Variants in INTS8 observed in about 807,000 individuals in gnomAD.
INTS8 encodes integrator complex subunit 8.
INTS8 carries 47 observed loss-of-function variants against 138.9 expected under a neutral mutation model. The observed-to-expected ratio is 0.34, with a 90% CI of 0.27 to 0.43. The LOEUF is 0.43. INTS8 is among the 20% of genes least tolerant of loss of function. INTS8 has a pLI of 1.00. For synonymous variants in INTS8, 392 were observed against 400.9 expected (o/e 0.98, Z 0.27); for missense variants, 996 against 1,173.0 (o/e 0.85, Z 2.20).
At chr8:94,846,572 C>A (rs1815341320) in intron 10 of INTS8, among the ~76,000 whole-genome samples, 2 of 152,158 alleles carry the variant, frequency 1.3e-5, no homozygotes, top group Non-Finnish European at 2.9e-5. Context: ...CCACACCCAG[C>A]CTCTTTTTAC....
intron 1 of INTS8, among the ~76,000 whole-genome samples, chr8:94,824,468 A>G (rs1004810034): frequency 6.6e-6 from 1 of 152,180 alleles, no homozygotes; most frequent in African/African-American, 2.4e-5. Context: ...TCTATTTTGC[A>G]TTGGAAGAAG....
At chr8:94,833,833 G>A (rs1387350637) in intron 6 of INTS8, among the ~76,000 whole-genome samples, 1 of 152,070 alleles carries the variant, frequency 6.6e-6, no homozygotes, top group South Asian at 2.1e-4. Flanking sequence ...GTGCAATGTC[G>A]TGATCTCAGC....
intron 15 of INTS8, among the ~76,000 whole-genome samples, chr8:94,858,856 T>G (rs1815849176): frequency 6.6e-6 from 1 of 152,194 alleles, no homozygotes; most frequent in Non-Finnish European, 1.5e-5. Context: ...TCACATCACT[T>G]TTTTGGGGAT....
chr8:94,834,968 T>G (rs7834966), intron 6 of INTS8, among the ~76,000 whole-genome samples: 28,412 of 152,128 alleles, frequency 0.19, 2,797 homozygotes, highest in Middle Eastern at 0.28. Flanking sequence ...ATATTTCTAG[T>G]ATCTCATGTG....
chr8:94,835,163 A>G (rs1156403661), intron 6 of INTS8, among the ~76,000 whole-genome samples: 1 of 152,202 alleles, frequency 6.6e-6, no homozygotes, highest in Non-Finnish European at 1.5e-5. Context: ...TCTGTCAGCC[A>G]TGTGTAGAAT....
At position 94,836,504 on chromosome 8, in the gene INTS8, G is replaced by A. The variant is rs1814931644; in HGVS notation, c.754-20G>A. 1.9e-6 allele frequency: 3 copies of A among 1,578,278 alleles called. No individual in the cohort carries two copies. Among genetic ancestry groups the A allele is most frequent in the Non-Finnish European group, 2.6e-6 (3 of 1,149,424 alleles). On this transcript the variant is annotated intron_variant, in intron 6 of 26. Coordinates refer to ENST00000523731, the MANE Select transcript of INTS8 (RefSeq NM_017864.4). ...TACCTGAGAAATTGTTAAGCAAATT[G>A]GTGTTCATTATTATTTCAGGTGTGC...
rs753023265 is a variant in INTS8, at chr8:94,841,471, A to G, written c.1018-20A>G. 8.5e-6 allele frequency: 11 copies of G among 1,292,706 alleles called. No homozygotes were observed. The highest frequency in any genetic ancestry group is 1.3e-5 in the South Asian group (1 of 75,710). The allele number at this position is 1,292,706 out of a possible 1,614,324, so 80.1% of individuals were successfully genotyped here. ...TACCATGATTTTTGAAATGGGTGCA[A>G]CTTTATGTGTGTGTTCTAGGAGGTA... On this transcript the variant is annotated intron_variant, in intron 8 of 26. Coordinates refer to ENST00000523731, the MANE Select transcript of INTS8 (RefSeq NM_017864.4).
chr8:94,855,438 C>G (rs1214678824), intron 14 of INTS8, among the ~76,000 whole-genome samples: 2 of 152,122 alleles, frequency 1.3e-5, no homozygotes, highest in Non-Finnish European at 2.9e-5. Context: ...GTAGCCACAT[C>G]TTATCTAGTG....
intron 20 of INTS8, among the ~76,000 whole-genome samples, chr8:94,869,273 C>T (rs1816300416): frequency 1.3e-5 from 2 of 151,844 alleles, no homozygotes; most frequent in Non-Finnish European, 2.9e-5. Flanking sequence ...TGAGCCACCA[C>T]GGCCAGCCCA....
chr8:94,842,846 C>G (rs904279552), intron 10 of INTS8, among the ~76,000 whole-genome samples: 6 of 152,200 alleles, frequency 3.9e-5, no homozygotes, highest in African/African-American at 1.2e-4. Flanking sequence ...CTAAGAACTC[C>G]CAAATCAAGC....
chr8:94,856,489 C>T (rs1447876060), intron 14 of INTS8, among the ~76,000 whole-genome samples: 1 of 152,072 alleles, frequency 6.6e-6, no homozygotes, highest in Non-Finnish European at 1.5e-5. Flanking sequence ...GAATTTACAC[C>T]TGTGTAATAC....
rs903023384 is a variant in INTS8, at chr8:94,850,077, T to G, written c.1493T>G (p.Phe498Cys). ...VNLCIKPVTS[F>C]YDIPASASVN... ...CTGTGCATTAAACCTGTAACTTCAT[T>G]TTATGATATCCCAGGTTAGCTCTCT... The change falls in exon 12 of 27, where the codon TTT (phenylalanine) becomes TGT (cysteine). Residue 498 changes from phenylalanine to cysteine, a missense_variant. Transcript: ENST00000523731. The G allele has an allele frequency of 2.5e-6, 4 of 1,599,094 alleles. No homozygotes were observed. The highest frequency in any genetic ancestry group is 3.4e-6 in the Non-Finnish European group (4 of 1,172,918).
Position 94,827,714 on chromosome 8 carries a change from T to G in INTS8, c.447-8T>G, listed in dbSNP as rs1814561118. The G allele has an allele frequency of 3.1e-6, 5 of 1,611,608 alleles. No homozygotes were observed. Among genetic ancestry groups the G allele is most frequent in the Non-Finnish European group, 4.2e-6 (5 of 1,178,010 alleles). The stretch of plus-strand genomic sequence containing the variant: ...TATGAAATTTTCTTTTTCCTGTCTT[T>G]TCTTCAGGGCAATTAGGACAATTGT... On this transcript the variant is annotated splice_polypyrimidine_tract_variant and splice_region_variant and intron_variant, in intron 3 of 26. Transcript: ENST00000523731.
In INTS8 at chr8:94,827,364, C is replaced by T; in HGVS notation, c.407C>T (p.Pro136Leu). 1 of 1,614,126 alleles carries T rather than the reference C, an allele frequency of 6.2e-7. No individual in the cohort carries two copies. The highest frequency in any genetic ancestry group is 8.5e-7 in the Non-Finnish European group (1 of 1,179,978). Residue 136 changes from proline (P) to leucine (L), a missense_variant, in exon 3 of 27, where the codon CCT becomes CTT. Pro to Leu is a moderately conservative substitution (Grantham distance 98, BLOSUM62 -3). Transcript: ENST00000523731. ...GTAGACATGGATCTGGCCACTTTAC[C>T]TCCGACCACTGCCATGGCTGTACTT... ...KHVDMDLATL[P>L]PTTAMAVLLY...
rs1816808696 is a variant in INTS8 at position 94,881,483 on chromosome 8, G to GT, written c.*1250dup. 1.5e-6 allele frequency: 1 copy of GT among 688,928 alleles called. No individual in the cohort carries two copies. Among genetic ancestry groups the GT allele is most frequent in the East Asian group, 2.7e-5 (1 of 37,346 alleles). 42.7% of individuals were successfully genotyped at this position (688,928 alleles called of 1,614,324 possible). A position where few individuals can be genotyped will look rare whatever the true frequency, so the allele number is the denominator to read the frequency against. ...TTAAATGTATTCTTTAGTGCCAATT[G>GT]TAAGTTTTAAAATCAGAATGGCAGT... is the stretch of plus-strand genomic sequence containing the variant. On this transcript the variant is annotated 3_prime_UTR_variant, in exon 27 of 27. Coordinates refer to ENST00000523731, the MANE Select transcript of INTS8 (RefSeq NM_017864.4).
At chr8:94,877,297 T>A (rs541908650) in intron 26 of INTS8, among the ~76,000 whole-genome samples, 1 of 152,334 alleles carries the variant, frequency 6.6e-6, no homozygotes, top group African/African-American at 2.4e-5. Flanking sequence ...CTTATATTAA[T>A]TTAAAAAAAT....
intron 13 of INTS8, among the ~76,000 whole-genome samples, chr8:94,853,040 G>GTGGC (rs1815608844): frequency 6.6e-6 from 1 of 152,152 alleles, no homozygotes; most frequent in African/African-American, 2.4e-5. Flanking sequence ...GCCAGGTGCA[G>GTGGC]TGGCTCATTG....
rs1815019922 is a variant in INTS8 at position 94,838,579 on chromosome 8, T to C, written c.978T>C (p.Tyr326=). ...SDSTSQQLTP[Y]SQVHICLRSG... is the part of the protein sequence containing the mutation. ...GTACATCTCAACAGTTGACTCCATA[T>C]AGTCAAGTCCATATTTGTTTGAGAT... Residue 326 remains tyrosine (Y), a synonymous_variant, in exon 8 of 27, where the codon TAT becomes TAC. Transcript: ENST00000523731. The C allele has an allele frequency of 6.2e-7, 1 of 1,613,048 alleles. No homozygotes were observed. The highest frequency in any genetic ancestry group is 8.5e-7 in the Non-Finnish European group (1 of 1,179,014).
intron 16 of INTS8, among the ~76,000 whole-genome samples, chr8:94,864,505 C>T (rs1450708782): frequency 2.6e-5 from 4 of 152,094 alleles, no homozygotes; most frequent in East Asian, 1.9e-4. Flanking sequence ...GCCAGGAGTT[C>T]GAGACCAGCC....
Sources: allele counts gnomAD v4.1 joint callset (sites outside exome capture counted in the v4.1 genomes callset), GRCh38; gene constraint gnomAD v4.1.1; transcripts MANE v1.5; gene names NCBI Gene and HGNC (gene_info 2026-07-23, HGNC 2026-07-21).